GRM4: variants seen among roughly 807,000 people sequenced by gnomAD.
The protein encoded by GRM4 is metabotropic glutamate receptor 4.
A neutral mutation model predicts 81.7 loss-of-function variants in GRM4; 28 were observed. The observed-to-expected ratio is 0.34, with a 90% CI of 0.25 to 0.47. The LOEUF (loss-of-function observed/expected upper bound fraction) is 0.47. GRM4 is among the 20% of genes least tolerant of loss of function. The pLI is 1.00. For synonymous variants in GRM4, 488 were observed against 528.8 expected (o/e 0.92, Z 1.06); for missense variants, 948 against 1,290.0 (o/e 0.73, Z 4.06).
At chr6:34,122,842 G>C (rs909982345) in intron 2 of GRM4, among the ~76,000 whole-genome samples, 11 of 152,198 alleles carry the variant, frequency 7.2e-5, no homozygotes, top group Non-Finnish European at 1.3e-4. Context: ...CAGAACTGTG[G>C]GGAGAGACAC....
intron 6 of GRM4, chr6:34,054,058 C>T (rs1319323675): frequency 6.6e-6 from 1 of 152,178 alleles, no homozygotes; most frequent in African/African-American, 2.4e-5. Context: ...CTTCTGGAGA[C>T]ACCCTCTGGG....
chr6:34,137,816 G>A (rs114634823), intron 1 of GRM4, among the ~76,000 whole-genome samples: 2,398 of 138,826 alleles, frequency 0.017, 49 homozygotes, highest in East Asian at 0.11. Context: ...GGCTGGTCTC[G>A]AACTCCTGAG....
At chr6:34,124,736 G>C (rs989447900) in intron 2 of GRM4, among the ~76,000 whole-genome samples, 5 of 152,222 alleles carry the variant, frequency 3.3e-5, no homozygotes, top group African/African-American at 1.2e-4. Flanking sequence ...ATGGCCAGTA[G>C]GTTCAGTAAA....
At chr6:34,106,830 A>G (rs1769151340) in intron 2 of GRM4, among the ~76,000 whole-genome samples, 1 of 152,254 alleles carries the variant, frequency 6.6e-6, no homozygotes, top group Non-Finnish European at 1.5e-5. Flanking sequence ...GCAAATAAAT[A>G]TTAATGACAA....
chr6:34,033,268 G>A (rs982542940), intron 9 of GRM4, among the ~76,000 whole-genome samples: 1 of 152,210 alleles, frequency 6.6e-6, no homozygotes, highest in African/African-American at 2.4e-5. Flanking sequence ...CCAGCCCCAA[G>A]GTCTGCCTCT....
At chr6:34,125,313 C>G (rs1174010700) in intron 2 of GRM4, among the ~76,000 whole-genome samples, 1 of 152,212 alleles carries the variant, frequency 6.6e-6, no homozygotes, top group Non-Finnish European at 1.5e-5. Context: ...GACATCCTGC[C>G]TGCCTCCATT....
intron 2 of GRM4, among the ~76,000 whole-genome samples, chr6:34,104,615 C>G (rs953893219): frequency 6.6e-6 from 1 of 152,192 alleles, no homozygotes; most frequent in Non-Finnish European, 1.5e-5. Context: ...CCCTGCTCCC[C>G]ACCTGGCACA....
intron 3 of GRM4, among the ~76,000 whole-genome samples, chr6:34,072,966 CACCACACAGATACAT>C (rs1437954590): frequency 1.3e-5 from 1 of 76,386 alleles, no homozygotes; most frequent in Non-Finnish European, 2.7e-5. Flanking sequence ...ACACATGCAT[CACCACACAGATACAT>C]ACCACACACA....
rs59948072 is a variant in GRM4 at position 34,118,447 on chromosome 6, G to A, written c.519+14531C>T. 4.6e-3 allele frequency among the ~76,000 whole-genome samples: 695 copies of A among 152,290 alleles called. 8 individuals carry two copies. The highest frequency in any genetic ancestry group is 0.015 in the African/African-American group (618 of 41,544). Reference sequence around the variant, plus strand: ...TGCTGGGGGGCTGGGACCCTGATTCGAAGCCCAGCTCTGATTCTAACTGGC... The same window carrying A: ...TGCTGGGGGGCTGGGACCCTGATTCAAAGCCCAGCTCTGATTCTAACTGGC... On this transcript the variant is annotated intron_variant, in intron 2 of 10. Transcript: ENST00000538487.
upstream of GRM4, among the ~76,000 whole-genome samples, chr6:34,148,395 G>C (rs1003585071): frequency 5.7e-4 from 6 of 10,444 alleles, no homozygotes; most frequent in South Asian, 8.5e-3. Flanking sequence ...CACACACACA[G>C]AGACACACAC....
rs554229413 is a variant in GRM4 at position 34,074,096 on chromosome 6, G to A, written c.737-12068C>T. Among the ~76,000 whole-genome samples, 3 of 151,366 alleles carry A rather than the reference G, an allele frequency of 2.0e-5. No individual in the cohort carries two copies. Among genetic ancestry groups the A allele is most frequent in the African/African-American group, 2.4e-5 (1 of 41,322 alleles). ...CCATCCCTTCCCCTGCCAGGAGAAC[G>A]GGGCTGGATCTCGAGGTGCAGGGGC... is the stretch of plus-strand genomic sequence containing the variant. On this transcript the variant is annotated intron_variant, in intron 3 of 10. Coordinates refer to ENST00000538487, the MANE Select transcript of GRM4 (RefSeq NM_000841.4). This position sits in a 1 kb window ranked among gnomAD's most constrained non-coding sequence, Gnocchi z 4.9.
chr6:34,092,624 T>C lies in GRM4; in HGVS notation c.520-525A>G. 6.6e-6 allele frequency among the ~76,000 whole-genome samples: 1 copy of C among 151,918 alleles called. No individual in the cohort carries two copies. The highest frequency in any genetic ancestry group is 1.9e-4 in the East Asian group (1 of 5,148). ...TGGAGCCTCGATTCCAGCTCCCCTG[T>C]CCCCCACTCCAACCCCAAGGATGGA... On this transcript the variant is annotated intron_variant, in intron 2 of 10. Coordinates refer to ENST00000538487, the MANE Select transcript of GRM4 (RefSeq NM_000841.4). This position sits in a 1 kb window ranked among gnomAD's most constrained non-coding sequence, Gnocchi z 6.8.
At position 34,020,201 on chromosome 6, in the gene GRM4, T is replaced by C. The variant is rs1418594984; in HGVS notation, c.*2620A>G. 1 of 152,282 alleles carries C rather than the reference T, an allele frequency of 6.6e-6. No homozygotes were observed. Among genetic ancestry groups the C allele is most frequent in the Non-Finnish European group, 1.5e-5 (1 of 68,118 alleles). 9.4% of individuals were successfully genotyped at this position (152,282 alleles called of 1,614,324 possible). A position where few individuals can be genotyped will look rare whatever the true frequency, so the allele number is the denominator to read the frequency against. ...AGCTCCCTGAGGGCAGGGCTATTTC[T>C]TCCCACTGGCAGGGGACTGGTAGTC... On this transcript the variant is annotated 3_prime_UTR_variant, in exon 11 of 11. Transcript: ENST00000538487.
At chr6:34,082,064 GCGGGACAGA>G (rs1767628781) in intron 3 of GRM4, among the ~76,000 whole-genome samples, 1 of 30,130 alleles carries the variant, frequency 3.3e-5, no homozygotes, top group African/African-American at 4.0e-4. Context: ...ATGGGAGCCT[GCGGGACAGA>G]TCCCTGTCCA....
rs2127448184 is a variant in GRM4 at position 34,042,988 on chromosome 6, C to T, written c.1169-2240G>A. 6.6e-6 allele frequency among the ~76,000 whole-genome samples: 1 copy of T among 152,286 alleles called. No individual in the cohort carries two copies. The highest frequency in any genetic ancestry group is 6.5e-5 in the Admixed American group (1 of 15,308). ...CCTCAGGGTAGGTACTCAGATATTG[C>T]TGAGTGGACAGTAGAAACCATAGAA... On this transcript the variant is annotated intron_variant, in intron 6 of 10. Transcript: ENST00000538487. This position sits in a 1 kb window ranked among gnomAD's most constrained non-coding sequence, Gnocchi z 4.2.
chr6:34,099,001 C>G (rs891948090), intron 2 of GRM4, among the ~76,000 whole-genome samples: 3 of 152,110 alleles, frequency 2.0e-5, no homozygotes, highest in Non-Finnish European at 4.4e-5. Context: ...CCTCACAGAG[C>G]ACCTGAGCAC....
chr6:34,124,846 C>G lies in GRM4; in HGVS notation c.519+8132G>C, dbSNP rs112462005. Among the ~76,000 whole-genome samples, 444 of 152,270 alleles carry G rather than the reference C, an allele frequency of 2.9e-3. 3 individuals are homozygous for G. Among genetic ancestry groups the G allele is most frequent in the African/African-American group, 8.9e-3 (369 of 41,554 alleles). On this transcript the variant is annotated intron_variant, in intron 2 of 10. Coordinates refer to ENST00000538487, the MANE Select transcript of GRM4 (RefSeq NM_000841.4). ...GCACTCATGAACTTGAGGACCCCCCCCTAGACTCAGCCTTCACCTCAGCCC... is the reference window on the plus strand; with the variant it reads ...GCACTCATGAACTTGAGGACCCCCCGCTAGACTCAGCCTTCACCTCAGCCC...
chr6:34,139,811 G>T (rs1368646159), intron 1 of GRM4, among the ~76,000 whole-genome samples: 1 of 152,216 alleles, frequency 6.6e-6, no homozygotes, highest in Non-Finnish European at 1.5e-5. Flanking sequence ...CAACTCTGTT[G>T]TGTGCTCAAG....
rs1007365293 is a variant in GRM4 at position 34,121,533 on chromosome 6, C to T, written c.519+11445G>A. On this transcript the variant is annotated intron_variant, in intron 2 of 10. Transcript: ENST00000538487. The surrounding 1 kb of genome is among the most constrained non-coding windows in gnomAD (Gnocchi z 4.6). ...CCGCTCTACCCAGCCAGAGCTCCCCCTCCAGGAGATTTCAACTCTGATAGT... is the reference window on the plus strand; with the variant it reads ...CCGCTCTACCCAGCCAGAGCTCCCCTTCCAGGAGATTTCAACTCTGATAGT... 2.0e-5 allele frequency among the ~76,000 whole-genome samples: 3 copies of T among 152,250 alleles called. No homozygotes were observed. The highest frequency in any genetic ancestry group is 7.2e-5 in the African/African-American group (3 of 41,458).
Sources: gnomAD v4.1 joint callset for allele counts (sites outside exome capture counted in the v4.1 genomes callset) on GRCh38, gnomAD v4.1.1 for gene constraint, Gnocchi (gnomAD v3.1) non-coding constraint, MANE v1.5 for transcripts, NCBI Gene and HGNC (gene_info 2026-07-23, HGNC 2026-07-21) for gene names.